Variants in RELCH observed in about 807,000 individuals in gnomAD.
RELCH encodes RAB11-binding protein RELCH.
RELCH carries 41 observed loss-of-function variants against 150.3 expected under a neutral mutation model. That is an observed-to-expected ratio of 0.27 (90% confidence interval 0.21 to 0.35). The LOEUF is 0.35. Among genes scored for constraint, RELCH ranks in the 10% least tolerant of loss-of-function variants. The pLI, the probability that RELCH is intolerant of heterozygous loss-of-function variation, is 1.00. For missense variants in RELCH, 1,092 were observed against 1,467.8 expected (o/e 0.74, Z 4.18); for synonymous variants, 478 against 531.8 (o/e 0.90, Z 1.39).
intron 22 of RELCH, chr18:62,277,755 A>G (rs2044291947): frequency 1.2e-6 from 1 of 821,326 alleles, no homozygotes; most frequent in Admixed American, 6.2e-5. Context: ...TTGTTAAATA[A>G]GGGAATATAA....
At chr18:62,204,379 A>G (rs187254990) in intron 1 of RELCH, among the ~76,000 whole-genome samples, 291 of 152,286 alleles carry the variant, frequency 1.9e-3, no homozygotes, top group Middle Eastern at 3.4e-3. Context: ...TCCGTCACCC[A>G]GGCTGGAATG....
At chr18:62,252,550 T>G in intron 11 of RELCH, 114 bp from the exon 12 acceptor site, 1 of 715,670 alleles carries the variant, frequency 1.4e-6, no homozygotes. Context: ...TCTAATTTGA[T>G]TGTATAAAAA....
intron 2 of RELCH, among the ~76,000 whole-genome samples, chr18:62,212,398 G>T (rs1373358760): frequency 6.6e-6 from 1 of 152,042 alleles, no homozygotes; most frequent in Non-Finnish European, 1.5e-5. Context: ...GGTACTTCTG[G>T]AACAAAAGGG....
At chr18:62,201,047 T>C (rs62094271) in intron 1 of RELCH, among the ~76,000 whole-genome samples, 40,803 of 143,932 alleles carry the variant, frequency 0.28, 6,830 homozygotes, top group East Asian at 0.6. Flanking sequence ...GATCTCGGCT[T>C]ACTGCAACCT....
Position 62,228,605 on chromosome 18 carries a change from A to G in RELCH, c.1448+7A>G, listed in dbSNP as rs1429719644. On this transcript the variant is annotated splice_region_variant and intron_variant, in intron 8 of 28. Coordinates refer to ENST00000644646, the MANE Select transcript of RELCH (RefSeq NM_001346231.2). ...ATTTTGATAAACCTAATAGGTTAGT[A>G]TGCATCCTATATTTTGAAATGCATC... is the stretch of plus-strand genomic sequence containing the variant. 2 of 1,583,508 alleles carry G rather than the reference A, an allele frequency of 1.3e-6. No homozygotes were observed. The highest frequency in any genetic ancestry group is 1.1e-5 in the South Asian group (1 of 86,958).
chr18:62,272,387 A>G (rs1315146788), intron 20 of RELCH, among the ~76,000 whole-genome samples: 1 of 152,172 alleles, frequency 6.6e-6, no homozygotes, highest in Non-Finnish European at 1.5e-5. Flanking sequence ...AAATCATAAT[A>G]ATTAAATGCC....
At chr18:62,275,788 A>G (rs2044177782) in intron 22 of RELCH, among the ~76,000 whole-genome samples, 1 of 152,132 alleles carries the variant, frequency 6.6e-6, no homozygotes, top group Non-Finnish European at 1.5e-5. Context: ...TTTTTGATTT[A>G]CTGAGGTAAA....
At chr18:62,302,771 C>T (rs543870560) in intron 28 of RELCH, among the ~76,000 whole-genome samples, 3 of 152,160 alleles carry the variant, frequency 2.0e-5, no homozygotes, top group East Asian at 1.9e-4. Context: ...GTGATCTACC[C>T]GTCTTGACCT....
intron 11 of RELCH, among the ~76,000 whole-genome samples, 152 bp from the exon 12 acceptor site, chr18:62,252,510 CTA>C (rs560427465): frequency 1.1e-4 from 17 of 150,378 alleles, no homozygotes; most frequent in Admixed American, 9.9e-4. Context: ...CAGCCAGACT[CTA>C]TCTCAAAAAA....
At chr18:62,257,780 A>G (rs1444647421) in intron 13 of RELCH, among the ~76,000 whole-genome samples, 168 bp from the exon 14 acceptor site, 4 of 152,056 alleles carry the variant, frequency 2.6e-5, no homozygotes, top group African/African-American at 9.7e-5. Flanking sequence ...TCTTCAAAAA[A>G]AAAAGGTCTG....
At chr18:62,289,728 A>T (rs1216045698) in intron 26 of RELCH, among the ~76,000 whole-genome samples, 1 of 152,270 alleles carries the variant, frequency 6.6e-6, no homozygotes, top group Non-Finnish European at 1.5e-5. Context: ...ATCATTCACC[A>T]GTGAGGTAAA....
intron 27 of RELCH, among the ~76,000 whole-genome samples, chr18:62,297,875 A>G (rs548343412): frequency 6.6e-6 from 1 of 152,294 alleles, no homozygotes; most frequent in African/African-American, 2.4e-5. Context: ...TTACTTAAAC[A>G]TTATCATCTC....
chr18:62,264,987 G>T, intron 18 of RELCH, 135 bp downstream of exon 18: 1 of 665,332 alleles, frequency 1.5e-6, no homozygotes, highest in South Asian at 2.9e-5. Context: ...AGAATACTAT[G>T]ATAGTAAAAA....
At chr18:62,188,150 A>G (rs1233695470) in intron 1 of RELCH, 119 bp downstream of exon 1, 2 of 1,183,436 alleles carry the variant, frequency 1.7e-6, no homozygotes, top group African/African-American at 3.1e-5. Flanking sequence ...GAACGAGAGT[A>G]TTGGGGTGGG....
chr18:62,192,648 T>G lies in RELCH; in HGVS notation c.526+4617T>G, dbSNP rs113647811. 3.1e-3 allele frequency among the ~76,000 whole-genome samples: 468 copies of G among 152,316 alleles called. 4 individuals carry two copies. The highest frequency in any genetic ancestry group is 0.011 in the African/African-American group (443 of 41,580). ...AGCATTTTATTAAATAAGGAATTCT[T>G]TCCCCTTTGCTTGTTTTTGTCATGT... On this transcript the variant is annotated intron_variant, in intron 1 of 28. Coordinates refer to ENST00000644646, the MANE Select transcript of RELCH (RefSeq NM_001346231.2).
At chr18:62,291,507 G>T (rs370340164) in intron 26 of RELCH, 36 bp from the exon 27 acceptor site, 16 of 1,278,202 alleles carry the variant, frequency 1.3e-5, no homozygotes, top group Admixed American at 3.8e-5. Flanking sequence ...ATACCAATTT[G>T]GTTTTGTTTA....
intron 26 of RELCH, among the ~76,000 whole-genome samples, chr18:62,287,808 C>A (rs2044888968): frequency 6.6e-6 from 1 of 152,048 alleles, no homozygotes; most frequent in East Asian, 1.9e-4. Flanking sequence ...AAAAGGAAGC[C>A]TTGTATATAT....
intron 15 of RELCH, among the ~76,000 whole-genome samples, chr18:62,258,961 C>G (rs1298946659): frequency 1.3e-5 from 2 of 151,878 alleles, no homozygotes; most frequent in East Asian, 1.9e-4. Flanking sequence ...CTTTCTTGAC[C>G]CTTCTGAGTA....
chr18:62,245,453 ATCTC>A (rs1422699768), intron 11 of RELCH, among the ~76,000 whole-genome samples: 3 of 152,012 alleles, frequency 2.0e-5, no homozygotes, highest in African/African-American at 7.2e-5. Flanking sequence ...GTGAAACTCT[ATCTC>A]TTCTAAAAAT....
Sources: allele counts gnomAD v4.1 joint callset (sites outside exome capture counted in the v4.1 genomes callset), GRCh38; gene constraint gnomAD v4.1.1; transcripts MANE v1.5; gene names NCBI Gene and HGNC (gene_info 2026-07-23, HGNC 2026-07-21).